ARHGAP10: variants seen among roughly 807,000 people sequenced by gnomAD.
The protein encoded by ARHGAP10 is rho GTPase-activating protein 10.
A neutral mutation model predicts 108.6 loss-of-function variants in ARHGAP10; 87 were observed. The ratio of observed to expected loss-of-function variants is 0.80; its 90% CI spans 0.67 to 0.96. ARHGAP10 has a LOEUF of 0.96. Among genes scored for constraint, ARHGAP10 ranks in the 40% least tolerant of loss-of-function variants. The pLI is 0.00. For missense variants in ARHGAP10, 939 were observed against 954.5 expected (o/e 0.98, Z 0.21); for synonymous variants, 347 against 341.1 (o/e 1.02, Z -0.19).
chr4:147,765,336 G>GTGT (rs1560745753), intron 1 of ARHGAP10, among the ~76,000 whole-genome samples: 1 of 33,768 alleles, frequency 3.0e-5, no homozygotes, highest in East Asian at 2.0e-3. Context: ...GTGTGTGTGT[G>GTGT]TGGGGGGGGG....
At position 148,023,373 on chromosome 4, in the gene ARHGAP10, G is replaced by T; in HGVS notation, c.1827G>T (p.Arg609Ser). The T allele has an allele frequency of 6.2e-7, 1 of 1,614,120 alleles. No homozygotes were observed. Among genetic ancestry groups the T allele is most frequent in the Non-Finnish European group, 8.5e-7 (1 of 1,179,966 alleles). The change falls in exon 19 of 23, where the codon AGG becomes AGT. Residue 609 changes from arginine to serine, a missense_variant. Physicochemically the swap from Arg to Ser is moderately radical, Grantham distance 110. Transcript: ENST00000336498. ...AGAGACAAGGCCAGAGAACCAAGAG[G>T]CCCGTGGCCGTCTACAATCTTTGTC... ...QSKRQGQRTK[R>S]PVAVYNLCLE...
chr4:148,061,934 A>G (rs948327181), intron 20 of ARHGAP10, among the ~76,000 whole-genome samples: 6 of 152,112 alleles, frequency 3.9e-5, no homozygotes, highest in Admixed American at 2.6e-4. Flanking sequence ...TGTATGGGTT[A>G]GAGAGGCCAC....
chr4:147,872,818 T>A (rs930944853), intron 7 of ARHGAP10, among the ~76,000 whole-genome samples: 1 of 152,220 alleles, frequency 6.6e-6, no homozygotes. Flanking sequence ...GAAGAGTTGC[T>A]GTCACAGGAG....
In ARHGAP10 at chr4:147,983,691, G is replaced by T. The variant is rs184044190; in HGVS notation, c.1716+16852G>T. Among the ~76,000 whole-genome samples, 22 of 152,122 alleles carry T rather than the reference G, an allele frequency of 1.4e-4. No homozygotes were observed. The East Asian group carries it at 4.3e-3, about 29-fold the overall frequency. On this transcript the variant is annotated intron_variant, in intron 18 of 22. Transcript: ENST00000336498. ...TCTTAACATAGCTATGTCATCTTTT[G>T]AATCTTGAGTCGTTTTTGTGTTGTT...
chr4:147,987,363 A>G (rs1436882384), intron 18 of ARHGAP10, among the ~76,000 whole-genome samples: 1 of 152,190 alleles, frequency 6.6e-6, no homozygotes, highest in Non-Finnish European at 1.5e-5. Context: ...CCCCTTCTAG[A>G]TCGGCAGGAT....
At chr4:147,752,964 G>A (rs1346435269) in intron 1 of ARHGAP10, among the ~76,000 whole-genome samples, 1 of 152,090 alleles carries the variant, frequency 6.6e-6, no homozygotes, top group African/African-American at 2.4e-5. Context: ...TTTGGTGATG[G>A]TATTCTCAAT....
intron 12 of ARHGAP10, among the ~76,000 whole-genome samples, chr4:147,911,583 T>G (rs4240344): frequency 1.3e-5 from 2 of 151,944 alleles, no homozygotes; most frequent in African/African-American, 2.4e-5. Context: ...AGGATGGTCT[T>G]GATCTCCTGA....
intron 1 of ARHGAP10, among the ~76,000 whole-genome samples, chr4:147,762,374 C>G (rs753240612): frequency 2.6e-5 from 4 of 151,966 alleles, no homozygotes; most frequent in Non-Finnish European, 1.5e-5. Flanking sequence ...TGGTTATACT[C>G]TTTAGCATTG....
intron 10 of ARHGAP10, among the ~76,000 whole-genome samples, chr4:147,888,660 C>T (rs779067815): frequency 1.3e-4 from 20 of 152,100 alleles, no homozygotes; most frequent in Non-Finnish European, 1.8e-4. Flanking sequence ...ACAGACCCCC[C>T]GCCCTTTAAT....
chr4:147,978,024 C>T (rs1472613782), intron 18 of ARHGAP10, among the ~76,000 whole-genome samples: 4 of 152,118 alleles, frequency 2.6e-5, no homozygotes, highest in Non-Finnish European at 4.4e-5. Flanking sequence ...CATAGTATTC[C>T]GTGGTGTATA....
chr4:147,801,473 G>A lies in ARHGAP10; in HGVS notation c.155-21254G>A, dbSNP rs540700331. Reference sequence around the variant, plus strand: ...GAAAACCTCTCAGAATACAGGAAAAGAATCCAGTGTTCAATTATATTAAGA... The same window carrying A: ...GAAAACCTCTCAGAATACAGGAAAAAAATCCAGTGTTCAATTATATTAAGA... On this transcript the variant is annotated intron_variant, in intron 1 of 22. Coordinates refer to ENST00000336498, the MANE Select transcript of ARHGAP10 (RefSeq NM_024605.4). Among the ~76,000 whole-genome samples the A allele has an allele frequency of 9.2e-5, 14 of 152,270 alleles. No individual in the cohort carries two copies. The East Asian group carries it at 2.7e-3, about 29-fold the overall frequency.
chr4:147,797,531 G>A (rs2126754968), intron 1 of ARHGAP10, among the ~76,000 whole-genome samples: 1 of 152,286 alleles, frequency 6.6e-6, no homozygotes, highest in African/African-American at 2.4e-5. Context: ...TCCTGCCTCA[G>A]CCTCTGGAGT....
At chr4:147,884,579 C>G (rs568343739) in intron 10 of ARHGAP10, among the ~76,000 whole-genome samples, 1 of 152,282 alleles carries the variant, frequency 6.6e-6, no homozygotes, top group Non-Finnish European at 1.5e-5. Flanking sequence ...CAGCTCCTTT[C>G]TGGGAACTCC....
chr4:147,841,705 T>A, intron 3 of ARHGAP10, among the ~76,000 whole-genome samples: 1 of 152,234 alleles, frequency 6.6e-6, no homozygotes, highest in East Asian at 1.9e-4. Context: ...TATTGGCTTC[T>A]TTATTATTTT....
chr4:147,742,587 G>A (rs1291987154), intron 1 of ARHGAP10, among the ~76,000 whole-genome samples: 5 of 147,282 alleles, frequency 3.4e-5, no homozygotes, highest in African/African-American at 9.9e-5. Flanking sequence ...GGGTTCAAGC[G>A]ATTCTCCTGC....
intron 1 of ARHGAP10, among the ~76,000 whole-genome samples, chr4:147,740,310 A>G (rs1355901546): frequency 1.3e-5 from 2 of 152,164 alleles, no homozygotes; most frequent in African/African-American, 2.4e-5. Context: ...CAGAGAGATT[A>G]GTAGCTTGTC....
At chr4:147,886,484 C>T (rs1428008528) in intron 10 of ARHGAP10, among the ~76,000 whole-genome samples, 2 of 152,172 alleles carry the variant, frequency 1.3e-5, no homozygotes, top group African/African-American at 2.4e-5. Flanking sequence ...CTTAGATTCC[C>T]CAGTTAAGCC....
intron 18 of ARHGAP10, among the ~76,000 whole-genome samples, chr4:147,989,581 C>T (rs189439569): frequency 0.015 from 2,218 of 152,258 alleles, 32 homozygotes; most frequent in African/African-American, 0.038. Flanking sequence ...AAGAATTCAG[C>T]GATATTTCTC....
chr4:147,883,411 T>A (rs949783135), intron 10 of ARHGAP10, among the ~76,000 whole-genome samples: 1 of 152,170 alleles, frequency 6.6e-6, no homozygotes, highest in Non-Finnish European at 1.5e-5. Flanking sequence ...AGGGAATTAG[T>A]CAGTGTAACA....
Sources: allele counts gnomAD v4.1 joint callset (sites outside exome capture counted in the v4.1 genomes callset), GRCh38; gene constraint gnomAD v4.1.1; transcripts MANE v1.5; gene names NCBI Gene and HGNC (gene_info 2026-07-23, HGNC 2026-07-21).